DMD: variants seen among roughly 807,000 people sequenced by gnomAD.
The protein encoded by DMD is dystrophin.
A neutral mutation model predicts 330.1 loss-of-function variants in DMD; 63 were observed. The ratio of observed to expected loss-of-function variants is 0.19; its 90% CI spans 0.16 to 0.24. The LOEUF (loss-of-function observed/expected upper bound fraction) is 0.24. Ranked by LOEUF, DMD falls within the 10% of genes least tolerant of loss-of-function variation. The pLI is 1.00. For synonymous variants in DMD, 1,223 were observed against 959.8 expected, an observed-to-expected ratio of 1.27 and a Z score of -5.07; for missense variants, 3,344 against 2,684.1, an observed-to-expected ratio of 1.25 and a Z score of -5.43.
chrX:32,827,722 A>G (rs1163598255), intron 4 of DMD, among the ~76,000 whole-genome samples: 1 of 102,300 alleles, frequency 9.8e-6, no homozygotes, highest in African/African-American at 3.7e-5. Context: ...GTGCAGTGGC[A>G]CGATCTCGGC....
intron 17 of DMD, among the ~76,000 whole-genome samples, chrX:32,529,008 G>A (rs1055477842): frequency 7.8e-5 from 8 of 102,477 alleles, no homozygotes; most frequent in African/African-American, 1.1e-4. Flanking sequence ...TGCAACCTCC[G>A]CCTCCCAGGT....
intron 1 of DMD, among the ~76,000 whole-genome samples, chrX:33,088,512 T>C (rs542868312): frequency 2.7e-3 from 299 of 111,330 alleles, no homozygotes; most frequent in Middle Eastern, 0.014. Flanking sequence ...CGAATAAATA[T>C]GTCACAATCG....
intron 3 of DMD, among the ~76,000 whole-genome samples, chrX:32,847,858 A>G (rs2080817331): frequency 8.9e-6 from 1 of 112,361 alleles, no homozygotes; most frequent in African/African-American, 3.2e-5. Context: ...GCATAAATGC[A>G]AATCATGTGG....
At chrX:32,892,154 C>G (rs1404748413) in intron 2 of DMD, among the ~76,000 whole-genome samples, 1 of 112,022 alleles carries the variant, frequency 8.9e-6, no homozygotes, top group Non-Finnish European at 1.9e-5. Context: ...GCACATGATC[C>G]ACATGATCTG....
At chrX:32,030,063 A>G (rs764083571) in intron 44 of DMD, among the ~76,000 whole-genome samples, 34 of 112,208 alleles carry the variant, frequency 3.0e-4, no homozygotes, top group Non-Finnish European at 3.6e-4. Flanking sequence ...ATGAAGTGCT[A>G]GATGTTGAAA....
intron 41 of DMD, among the ~76,000 whole-genome samples, chrX:32,324,922 T>A (rs1198432023): frequency 9.0e-6 from 1 of 111,341 alleles, no homozygotes; most frequent in African/African-American, 3.3e-5. Context: ...GGCCACCTTT[T>A]CTAATCAAAA....
At chrX:32,430,633 T>C (rs1039041632) in intron 29 of DMD, among the ~76,000 whole-genome samples, 5 of 111,830 alleles carry the variant, frequency 4.5e-5, no homozygotes, top group Admixed American at 2.9e-4. Flanking sequence ...ATAGGCAATA[T>C]GCTTTACAGT....
chrX:31,809,145 G>A (rs1188136432), intron 50 of DMD, among the ~76,000 whole-genome samples: 1 of 83,037 alleles, frequency 1.2e-5, no homozygotes, highest in Non-Finnish European at 2.3e-5. Flanking sequence ...ATATATATGA[G>A]TTTATATATA....
intron 59 of DMD, among the ~76,000 whole-genome samples, chrX:31,472,818 A>G (rs1026898678): frequency 2.7e-5 from 3 of 112,571 alleles, no homozygotes; most frequent in African/African-American, 9.7e-5. Context: ...CATTGTAGGA[A>G]CTTTAAAGAA....
chrX:31,885,330 C>G (rs1478321794), intron 47 of DMD, among the ~76,000 whole-genome samples: 1 of 111,349 alleles, frequency 9.0e-6, no homozygotes, highest in Non-Finnish European at 1.9e-5. Flanking sequence ...ATCATCTGGG[C>G]CGGGCGCGGT....
intron 55 of DMD, among the ~76,000 whole-genome samples, chrX:31,592,504 T>C (rs1603412489): frequency 9.6e-6 from 1 of 104,597 alleles, no homozygotes; most frequent in African/African-American, 3.5e-5. Flanking sequence ...TAAGTAAAAA[T>C]TGACCTTGAA....
At chrX:31,260,098 G>A (rs925036768) in intron 63 of DMD, among the ~76,000 whole-genome samples, 1 of 111,434 alleles carries the variant, frequency 9.0e-6, no homozygotes. Context: ...AAAATGAGCT[G>A]GGTGTGGTGG....
At chrX:32,963,104 T>C (rs1201152371) in intron 2 of DMD, among the ~76,000 whole-genome samples, 1 of 111,709 alleles carries the variant, frequency 9.0e-6, no homozygotes, top group Non-Finnish European at 1.9e-5. Context: ...TTCACATACA[T>C]ACACACATAT....
At chrX:32,408,909 TATCC>T (rs1346420102) in intron 30 of DMD, among the ~76,000 whole-genome samples, 2 of 100,412 alleles carry the variant, frequency 2.0e-5, no homozygotes, top group African/African-American at 8.0e-5. Context: ...TCTATCTATC[TATCC>T]ATCCATCAAT....
intron 2 of DMD, among the ~76,000 whole-genome samples, chrX:32,894,826 G>T: frequency 8.9e-6 from 1 of 112,521 alleles, no homozygotes. Context: ...GTACGTGTGT[G>T]TATGCATGGG....
intron 63 of DMD, among the ~76,000 whole-genome samples, chrX:31,236,139 G>A (rs979356511): frequency 6.2e-5 from 7 of 112,193 alleles, no homozygotes; most frequent in Non-Finnish European, 1.1e-4. Context: ...AGCAGCAGTC[G>A]TCTTGGAACC....
chrX:33,095,764 A>T (rs2095149345), intron 1 of DMD, among the ~76,000 whole-genome samples: 1 of 110,728 alleles, frequency 9.0e-6, no homozygotes, highest in South Asian at 3.8e-4. Context: ...TTCTGCATTG[A>T]ATGTTTTCTA....
chrX:32,865,175 A>T (rs1159511589), intron 2 of DMD, among the ~76,000 whole-genome samples: 4 of 111,801 alleles, frequency 3.6e-5, no homozygotes, highest in Non-Finnish European at 7.5e-5. Flanking sequence ...AACCAGTATT[A>T]TGCATCATAC....
chrX:32,102,937 T>C (rs1314011979), intron 44 of DMD, among the ~76,000 whole-genome samples: 2 of 111,831 alleles, frequency 1.8e-5, no homozygotes. Flanking sequence ...ATAAAAACAT[T>C]TTATCCCCTT....
Sources: gnomAD v4.1 joint callset for allele counts (sites outside exome capture counted in the v4.1 genomes callset) on GRCh38, gnomAD v4.1.1 for gene constraint, MANE v1.5 for transcripts, NCBI Gene and HGNC (gene_info 2026-07-23, HGNC 2026-07-21) for gene names.